The following TBL1XR1 variants were observed in gnomAD, a reference collection of about 807,000 sequenced individuals.
TBL1XR1 encodes F-box-like/WD repeat-containing protein TBL1XR1.
In TBL1XR1, 5 loss-of-function variants were observed where a neutral mutation model predicts 66.9. The observed-to-expected ratio is 0.07, with a 90% CI of 0.04 to 0.16. The LOEUF (loss-of-function observed/expected upper bound fraction) is 0.16. Among genes scored for constraint, TBL1XR1 ranks in the 10% least tolerant of loss-of-function variants. The pLI is 1.00. For missense variants in TBL1XR1, 238 were observed against 623.2 expected (o/e 0.38, Z 6.58); for synonymous variants, 210 against 206.0 (o/e 1.02, Z -0.17).
chr3:177,069,836 G>A (rs1002457227), intron 2 of TBL1XR1, among the ~76,000 whole-genome samples: 2 of 142,724 alleles, frequency 1.4e-5, no homozygotes, highest in Non-Finnish European at 3.1e-5. Context: ...AAGGAAGGAA[G>A]GAAGGAAGGA....
chr3:177,198,077 G>C (rs1205694428), upstream of TBL1XR1, among the ~76,000 whole-genome samples: 1 of 152,118 alleles, frequency 6.6e-6, no homozygotes, highest in Non-Finnish European at 1.5e-5. Flanking sequence ...GCATCATATG[G>C]ACATTTGTTT....
At chr3:177,126,260 T>TA (rs1192041782) in intron 1 of TBL1XR1, 3 of 151,726 alleles carry the variant, frequency 2.0e-5, no homozygotes, top group African/African-American at 7.3e-5. Flanking sequence ...AGAATCTGCA[T>TA]TTCCAACAAG....
intron 1 of TBL1XR1, among the ~76,000 whole-genome samples, chr3:177,190,925 G>GAA (rs1736064472): frequency 2.0e-5 from 3 of 152,136 alleles, no homozygotes; most frequent in African/African-American, 7.2e-5. Flanking sequence ...AACAGTTATG[G>GAA]GATTTGTGAT....
intron 2 of TBL1XR1, among the ~76,000 whole-genome samples, chr3:177,069,793 A>AAGGAAGGAAGGAAGG (rs1553824722): frequency 2.2e-3 from 200 of 92,380 alleles, no homozygotes; most frequent in Admixed American, 4.4e-3. Flanking sequence ...AAAAGGAAGG[A>AAGGAAGGAAGGAAGG]AAGGAAGGAA....
At chr3:177,113,216 C>CA (rs141967053) in intron 1 of TBL1XR1, among the ~76,000 whole-genome samples, 14,957 of 151,330 alleles carry the variant, frequency 0.099, 877 homozygotes, top group Admixed American at 0.19. Context: ...AAAAATTAAA[C>CA]AAAAAAAATG....
Position 177,023,502 on chromosome 3 carries a change from C to T in TBL1XR1, c.*1996G>A, listed in dbSNP as rs1183015270. 6.6e-6 allele frequency: 1 copy of T among 152,408 alleles called. No homozygotes were observed. Among genetic ancestry groups the T allele is most frequent in the African/African-American group, 2.4e-5 (1 of 41,400 alleles). The allele number at this position is 152,408 out of a possible 1,614,324, so 9.4% of individuals were successfully genotyped here. The stretch of plus-strand genomic sequence containing the variant: ...GATCCAAAACCCTAAAAAGAGCTGG[C>T]ACAAAACCATCGTGAATGACTGCCT... On this transcript the variant is annotated 3_prime_UTR_variant, in exon 16 of 16. Transcript: ENST00000457928.
chr3:177,180,294 A>G (rs1233380643), intron 1 of TBL1XR1, among the ~76,000 whole-genome samples: 1 of 151,484 alleles, frequency 6.6e-6, no homozygotes, highest in Non-Finnish European at 1.5e-5. Flanking sequence ...CAGAGATACA[A>G]AAGATTAAAG....
intron 10 of TBL1XR1, among the ~76,000 whole-genome samples, chr3:177,040,363 A>C (rs962485928): frequency 6.6e-6 from 1 of 152,336 alleles, no homozygotes; most frequent in Non-Finnish European, 1.5e-5. Context: ...AATTAGTAGA[A>C]ATACAAAGCA....
chr3:177,038,307 T>A lies in TBL1XR1; in HGVS notation c.1047+6A>T. The A allele has an allele frequency of 6.3e-7, 1 of 1,595,240 alleles. No homozygotes were observed. The highest frequency in any genetic ancestry group is 8.5e-7 in the Non-Finnish European group (1 of 1,169,870). On this transcript the variant is annotated splice_donor_region_variant and intron_variant, in intron 11 of 15. Coordinates refer to ENST00000457928, the MANE Select transcript of TBL1XR1 (RefSeq NM_024665.7). ...ACCACTTTAATGTGGAAAAAAGGTT[T>A]CTTACCGTATGTCCTTGGAATGTTT...
chr3:177,073,575 C>G (rs1232734616), intron 2 of TBL1XR1, among the ~76,000 whole-genome samples: 3 of 152,122 alleles, frequency 2.0e-5, no homozygotes, highest in Non-Finnish European at 2.9e-5. Context: ...AATCATTTTA[C>G]TTAAATTTAG....
At chr3:177,067,806 T>A (rs1248037653) in intron 2 of TBL1XR1, among the ~76,000 whole-genome samples, 1 of 152,088 alleles carries the variant, frequency 6.6e-6, no homozygotes, top group East Asian at 1.9e-4. Flanking sequence ...ACTTCATGAG[T>A]GGACTTAATA....
intron 1 of TBL1XR1, among the ~76,000 whole-genome samples, chr3:177,169,063 C>A (rs1733155987): frequency 6.6e-6 from 1 of 152,040 alleles, no homozygotes; most frequent in Non-Finnish European, 1.5e-5. Flanking sequence ...ATGAAAACTC[C>A]ACATATTTAC....
Position 177,051,532 on chromosome 3 carries a change from C to T in TBL1XR1, c.399G>A (p.Gly133=), listed in dbSNP as rs751925024. ...CTATAGTATGTGCTCCATTCTCCTC[C>T]CCATTTGCTGTGTTTTCTCCATTTT... ...SAKNGENTAN[G]EENGAHTIAN... Residue 133 remains glycine (G), a synonymous_variant, in exon 5 of 16, where the codon GGG becomes GGA. Transcript: ENST00000457928. 6.2e-7 allele frequency: 1 copy of T among 1,613,180 alleles called. No individual in the cohort carries two copies. The highest frequency in any genetic ancestry group is 1.7e-5 in the Admixed American group (1 of 59,942).
chr3:177,077,261 A>T (rs1560147843), intron 2 of TBL1XR1, among the ~76,000 whole-genome samples: 2 of 152,222 alleles, frequency 1.3e-5, no homozygotes, highest in Non-Finnish European at 2.9e-5. Context: ...GTAGTCTTAT[A>T]ATAATAGTTT....
Position 177,023,974 on chromosome 3 carries a change from G to A in TBL1XR1, c.*1524C>T, listed in dbSNP as rs1712730297. 6.6e-6 allele frequency: 1 copy of A among 151,784 alleles called. No homozygotes were observed. Among genetic ancestry groups the A allele is most frequent in the Admixed American group, 6.6e-5 (1 of 15,246 alleles). 9.4% of individuals were successfully genotyped at this position (151,784 alleles called of 1,614,324 possible). A position where few individuals can be genotyped will look rare whatever the true frequency, so the allele number is the denominator to read the frequency against. On this transcript the variant is annotated 3_prime_UTR_variant, in exon 16 of 16. Coordinates refer to ENST00000457928, the MANE Select transcript of TBL1XR1 (RefSeq NM_024665.7). ...CTTATTAGTCACACATATAAACATGGCCTCATGCAATCATTTGTCTGTATA... is the reference window on the plus strand; with the variant it reads ...CTTATTAGTCACACATATAAACATGACCTCATGCAATCATTTGTCTGTATA...
At chr3:177,112,074 A>AAT (rs1170375681) in intron 1 of TBL1XR1, among the ~76,000 whole-genome samples, 1,040 of 40,908 alleles carry the variant, frequency 0.025, 48 homozygotes, top group Non-Finnish European at 0.029. Flanking sequence ...TATAAAATCA[A>AAT]ATATATATAT....
chr3:177,182,362 G>A (rs1455197593), intron 1 of TBL1XR1, among the ~76,000 whole-genome samples: 1 of 152,172 alleles, frequency 6.6e-6, no homozygotes, highest in Non-Finnish European at 1.5e-5. Flanking sequence ...TCCAGCCTGG[G>A]TGACAGAGTA....
At chr3:177,060,001 T>A (rs1341051086) in intron 3 of TBL1XR1, among the ~76,000 whole-genome samples, 1 of 152,300 alleles carries the variant, frequency 6.6e-6, no homozygotes, top group East Asian at 1.9e-4. Flanking sequence ...CTCTTGGACT[T>A]ACACCAGTGG....
intron 1 of TBL1XR1, among the ~76,000 whole-genome samples, chr3:177,135,689 T>A (rs1728915809): frequency 6.6e-6 from 1 of 150,928 alleles, no homozygotes; most frequent in South Asian, 2.1e-4. Flanking sequence ...GCCCACTTTG[T>A]ATATATTTCC....
Sources: gnomAD v4.1 joint callset for allele counts (sites outside exome capture counted in the v4.1 genomes callset) on GRCh38, gnomAD v4.1.1 for gene constraint, MANE v1.5 for transcripts, NCBI Gene and HGNC (gene_info 2026-07-23, HGNC 2026-07-21) for gene names.